PTK2: variants seen among roughly 807,000 people sequenced by gnomAD.
PTK2 encodes focal adhesion kinase 1.
In PTK2, 45 loss-of-function variants were observed where a neutral mutation model predicts 150.1. That is an observed-to-expected ratio of 0.30 (90% CI 0.24 to 0.38). The LOEUF is 0.38. PTK2 is among the 10% of genes least tolerant of loss of function. The probability of loss-of-function intolerance (pLI) is 1.00; values close to 1 mark genes in which losing one functional copy is unlikely to be tolerated. For missense variants in PTK2, 919 were observed against 1,307.3 expected (o/e 0.70, Z 4.58); for synonymous variants, 432 against 449.2 (o/e 0.96, Z 0.48).
chr8:140,828,740 C>A (rs922061798), intron 8 of PTK2, among the ~76,000 whole-genome samples: 1 of 152,162 alleles, frequency 6.6e-6, no homozygotes, highest in African/African-American at 2.4e-5. Context: ...CAGCAGCATC[C>A]CTTCCACTTA....
intron 14 of PTK2, among the ~76,000 whole-genome samples, chr8:140,765,660 C>A (rs2154552607): frequency 6.6e-6 from 1 of 152,252 alleles, no homozygotes; most frequent in African/African-American, 2.4e-5. Flanking sequence ...ATCATACATT[C>A]TTTTATTTCT....
intron 14 of PTK2, among the ~76,000 whole-genome samples, chr8:140,777,443 C>T (rs936616744): frequency 9.8e-5 from 15 of 152,358 alleles, no homozygotes; most frequent in Middle Eastern, 6.8e-3. Context: ...ACGGCCCACG[C>T]CATTCATAAG....
At chr8:140,890,996 A>C (rs1040200750) in intron 2 of PTK2, among the ~76,000 whole-genome samples, 3 of 152,180 alleles carry the variant, frequency 2.0e-5, no homozygotes, top group Non-Finnish European at 4.4e-5. Context: ...AAAATTATTA[A>C]AAGGCCAGGA....
chr8:140,679,090 T>A (rs1012711545), intron 27 of PTK2, among the ~76,000 whole-genome samples: 11 of 136,258 alleles, frequency 8.1e-5, no homozygotes, highest in African/African-American at 3.1e-4. Flanking sequence ...AGTGGTGTGA[T>A]CTTGGCTCAC....
At chr8:140,901,901 T>C (rs1163635309) in intron 2 of PTK2, among the ~76,000 whole-genome samples, 1 of 152,172 alleles carries the variant, frequency 6.6e-6, no homozygotes, top group Non-Finnish European at 1.5e-5. Flanking sequence ...AGTGAGAACA[T>C]GCAGTGTTTG....
chr8:140,751,498 C>T lies in PTK2; in HGVS notation c.1417+734G>A, dbSNP rs574311907. ...GGTGATTTGTTCTTTTTCTTTCTTT[C>T]TTTTTTTTTTTTGAGGCAGAGATTG... On this transcript the variant is annotated intron_variant, in intron 17 of 31. Transcript: ENST00000522684. Among the ~76,000 whole-genome samples the T allele has an allele frequency of 9.7e-5, 14 of 145,060 alleles. No homozygotes were observed. The South Asian group carries it at 2.9e-3, about 30-fold the overall frequency.
At chr8:140,701,311 AAGT>A (rs2100030311) in intron 25 of PTK2, among the ~76,000 whole-genome samples, 1 of 152,248 alleles carries the variant, frequency 6.6e-6, no homozygotes. Flanking sequence ...TATAGTAAAA[AAGT>A]AGAAACAATC....
chr8:140,669,932 A>G, intron 29 of PTK2, 197 bp from the exon 33 acceptor site: 1 of 628,880 alleles, frequency 1.6e-6, no homozygotes, highest in Non-Finnish European at 2.8e-6. Context: ...CCACCTGCTC[A>G]CTGCCCCAGC....
chr8:140,746,518 C>T (rs2100058868), intron 18 of PTK2: 1 of 360,500 alleles, frequency 2.8e-6, no homozygotes, highest in Non-Finnish European at 4.9e-6. Flanking sequence ...TCTGCGGCTA[C>T]CAATCCTGAT....
intron 1 of PTK2, among the ~76,000 whole-genome samples, chr8:140,994,480 T>C (rs561971082): frequency 7.5e-4 from 114 of 152,332 alleles, no homozygotes; most frequent in African/African-American, 2.5e-3. Context: ...TTTCTCATTA[T>C]TATTACATCT....
intron 22 of PTK2, among the ~76,000 whole-genome samples, chr8:140,720,378 G>A (rs2154290594): frequency 6.6e-6 from 1 of 152,174 alleles, no homozygotes; most frequent in East Asian, 1.9e-4. Context: ...TCTATTAGAT[G>A]TTTAACTAAG....
intron 14 of PTK2, among the ~76,000 whole-genome samples, chr8:140,785,173 T>C (rs2100084231): frequency 6.6e-6 from 1 of 152,200 alleles, no homozygotes; most frequent in Non-Finnish European, 1.5e-5. Flanking sequence ...AGCTTACAGG[T>C]AATCCCTTGA....
chr8:140,976,178 T>C lies in PTK2; in HGVS notation c.-122+24947A>G, dbSNP rs1428494982. On this transcript the variant is annotated intron_variant, in intron 1 of 31. Coordinates refer to ENST00000522684, the Ensembl canonical transcript of PTK2. ...CTAAAGGCAGAGCCAATATTTGAAG[T>C]TGGGTCTTGTTTCTTAGATAAAATG... Among the ~76,000 whole-genome samples the C allele has an allele frequency of 2.0e-5, 3 of 152,318 alleles. 1 individual carries two copies. The Middle Eastern group carries it at 0.01, about 518-fold the overall frequency.
intron 11 of PTK2, among the ~76,000 whole-genome samples, chr8:140,801,796 C>A (rs576001684): frequency 6.6e-6 from 1 of 152,078 alleles, no homozygotes; most frequent in Admixed American, 6.6e-5. Flanking sequence ...AGTCAATGCA[C>A]CACATAACAA....
intron 1 of PTK2, among the ~76,000 whole-genome samples, chr8:140,993,058 T>C (rs1380868366): frequency 6.6e-6 from 1 of 152,220 alleles, no homozygotes; most frequent in African/African-American, 2.4e-5. Context: ...CTTCAGAACT[T>C]AGGATGAGTC....
intron 1 of PTK2, among the ~76,000 whole-genome samples, chr8:140,945,913 T>C (rs2100177540): frequency 1.3e-5 from 2 of 152,180 alleles, no homozygotes. Flanking sequence ...ATCATCTCCA[T>C]TCCTCCTCTG....
chr8:140,950,958 TAATAATATA>T (rs2100179353), intron 1 of PTK2, among the ~76,000 whole-genome samples: 1 of 152,052 alleles, frequency 6.6e-6, no homozygotes, highest in South Asian at 2.1e-4. Flanking sequence ...AGGAGGTACC[TAATAATATA>T]AATAATATAT....
chr8:140,857,002 A>G (rs1000781184), intron 5 of PTK2, among the ~76,000 whole-genome samples: 5 of 152,232 alleles, frequency 3.3e-5, no homozygotes, highest in African/African-American at 9.6e-5. Context: ...AAATTCTTTC[A>G]ACACTGCAGT....
intron 1 of PTK2, among the ~76,000 whole-genome samples, chr8:140,967,735 G>A (rs1054868453): frequency 1.3e-5 from 2 of 152,078 alleles, no homozygotes; most frequent in Non-Finnish European, 2.9e-5. Flanking sequence ...TGGGATTACA[G>A]ACGTGAGCCA....
Sources: allele counts gnomAD v4.1 joint callset (sites outside exome capture counted in the v4.1 genomes callset), GRCh38; gene constraint gnomAD v4.1.1; transcripts MANE v1.5; gene names NCBI Gene and HGNC (gene_info 2026-07-23, HGNC 2026-07-21).